CDC42BPA: variants seen among roughly 807,000 people sequenced by gnomAD.
CDC42BPA encodes the protein serine/threonine-protein kinase MRCK alpha.
A neutral mutation model predicts 223.5 loss-of-function variants in CDC42BPA; 80 were observed. The ratio of observed to expected loss-of-function variants is 0.36; its 90% CI spans 0.30 to 0.43. The LOEUF is 0.43. Among genes scored for constraint, CDC42BPA ranks in the 20% least tolerant of loss-of-function variants. The pLI is 1.00. For synonymous variants in CDC42BPA, 694 were observed against 718.6 expected, an observed-to-expected ratio of 0.97 and a Z score of 0.55; for missense variants, 1,743 against 2,099.9, an observed-to-expected ratio of 0.83 and a Z score of 3.32.
intron 17 of CDC42BPA, among the ~76,000 whole-genome samples, chr1:227,076,358 G>A (rs1245094831): frequency 6.6e-6 from 1 of 152,144 alleles, no homozygotes; most frequent in Non-Finnish European, 1.5e-5. Flanking sequence ...CTGGGTTCAA[G>A]CAATTCTCCT....
chr1:227,059,179 C>T (rs1484595825), intron 21 of CDC42BPA, among the ~76,000 whole-genome samples: 2 of 145,714 alleles, frequency 1.4e-5, no homozygotes, highest in Non-Finnish European at 3.0e-5. Context: ...TAAAGCTTTG[C>T]GGCCAAAGCC....
intron 21 of CDC42BPA, among the ~76,000 whole-genome samples, chr1:227,057,713 G>A (rs1235281337): frequency 1.3e-5 from 2 of 152,140 alleles, no homozygotes; most frequent in Non-Finnish European, 2.9e-5. Context: ...ATAATCATAT[G>A]TAATAATAAG....
chr1:227,032,264 C>T (rs951935365), intron 27 of CDC42BPA, among the ~76,000 whole-genome samples: 4 of 152,136 alleles, frequency 2.6e-5, no homozygotes, highest in African/African-American at 9.7e-5. Flanking sequence ...TAAACTCACA[C>T]TATGAAAATC....
chr1:227,013,373 TAC>T (rs1352486090), intron 34 of CDC42BPA, among the ~76,000 whole-genome samples: 2 of 151,950 alleles, frequency 1.3e-5, no homozygotes, highest in African/African-American at 2.4e-5. Flanking sequence ...AAAAATAAGA[TAC>T]AGATTTTTTC....
intron 14 of CDC42BPA, among the ~76,000 whole-genome samples, chr1:227,108,383 T>C (rs1015345687): frequency 5.3e-5 from 8 of 151,342 alleles, no homozygotes; most frequent in Admixed American, 5.3e-4. Flanking sequence ...TGTTCATTGA[T>C]TTCCACATAT....
rs35065841 is a variant in CDC42BPA, at chr1:227,105,356, CTTTTTT to C, written c.2002-4123_2002-4118del. 6.6e-3 allele frequency among the ~76,000 whole-genome samples: 603 copies of C among 91,684 alleles called. 3 individuals carry two copies. Among genetic ancestry groups the C allele is most frequent in the African/African-American group, 0.024 (570 of 23,724 alleles). 60.1% of individuals were successfully genotyped at this position (91,684 alleles called of 152,430 possible). A position where few individuals can be genotyped will look rare whatever the true frequency, so the allele number is the denominator to read the frequency against. On this transcript the variant is annotated intron_variant, in intron 14 of 36. Coordinates refer to ENST00000366766, the MANE Select transcript of CDC42BPA (RefSeq NM_001394014.1). Reference sequence around the variant, plus strand: ...TTGTATCTGTGAATTTGCCTATTCTCTTTTTTTTTTTTTTTTTTTTTTTGAGACAGG... The same window carrying C: ...TTGTATCTGTGAATTTGCCTATTCTCTTTTTTTTTTTTTTTTTGAGACAGG...
intron 1 of CDC42BPA, among the ~76,000 whole-genome samples, chr1:227,313,337 C>G (rs1474284493): frequency 1.3e-5 from 2 of 152,122 alleles, no homozygotes; most frequent in Non-Finnish European, 2.9e-5. Context: ...ATCATGAATG[C>G]CAGTAACCAG....
chr1:227,119,561 C>T (rs1373375472), intron 12 of CDC42BPA, among the ~76,000 whole-genome samples: 1 of 151,794 alleles, frequency 6.6e-6, no homozygotes, highest in Non-Finnish European at 1.5e-5. Context: ...TAATCTAGTC[C>T]TTTGACTATT....
intron 22 of CDC42BPA, among the ~76,000 whole-genome samples, chr1:227,049,418 A>T (rs906120415): frequency 6.6e-6 from 1 of 152,128 alleles, no homozygotes; most frequent in Non-Finnish European, 1.5e-5. Context: ...TTATTGAAGG[A>T]TATAAGAGAA....
intron 1 of CDC42BPA, among the ~76,000 whole-genome samples, chr1:227,281,613 G>A (rs765566149): frequency 2.5e-4 from 38 of 152,332 alleles, no homozygotes; most frequent in Non-Finnish European, 5.0e-4. Context: ...TGAGCCAGAG[G>A]TAGTGGGACC....
intron 35 of CDC42BPA, among the ~76,000 whole-genome samples, chr1:226,998,786 T>G (rs898789337): frequency 3.9e-5 from 6 of 152,122 alleles, no homozygotes; most frequent in Admixed American, 3.9e-4. Context: ...AAAGCCAAAA[T>G]TGGCAAATGG....
At chr1:227,054,689 T>C (rs576608498) in intron 21 of CDC42BPA, among the ~76,000 whole-genome samples, 11 of 152,290 alleles carry the variant, frequency 7.2e-5, no homozygotes, top group Non-Finnish European at 1.3e-4. Context: ...TCAAGTCTTA[T>C]TCTCCTAACT....
intron 5 of CDC42BPA, among the ~76,000 whole-genome samples, chr1:227,169,200 AGTT>A (rs1665677579): frequency 6.6e-6 from 1 of 152,134 alleles, no homozygotes; most frequent in African/African-American, 2.4e-5. Flanking sequence ...TACTGAGAAT[AGTT>A]GTTAACAGCC....
intron 21 of CDC42BPA, among the ~76,000 whole-genome samples, chr1:227,057,260 T>C (rs955888544): frequency 6.6e-6 from 1 of 152,174 alleles, no homozygotes; most frequent in African/African-American, 2.4e-5. Context: ...ATACTATTTA[T>C]AAAGAAAATC....
chr1:227,194,252 T>A (rs1513609), intron 4 of CDC42BPA, among the ~76,000 whole-genome samples: 1 of 152,148 alleles, frequency 6.6e-6, no homozygotes, highest in Non-Finnish European at 1.5e-5. Context: ...TCCAAGATTT[T>A]AGAAGAATGA....
chr1:227,124,379 A>AT (rs1325222770), intron 11 of CDC42BPA, among the ~76,000 whole-genome samples: 3 of 151,860 alleles, frequency 2.0e-5, no homozygotes, highest in East Asian at 1.9e-4. Flanking sequence ...GATTGAAGGT[A>AT]TTTTTTCTTT....
At chr1:227,307,373 T>C (rs1692740286) in intron 1 of CDC42BPA, among the ~76,000 whole-genome samples, 2 of 152,176 alleles carry the variant, frequency 1.3e-5, no homozygotes, top group African/African-American at 4.8e-5. Context: ...AAGACTTTAT[T>C]AACCACTTTC....
At chr1:227,292,265 G>A (rs1689829611) in intron 1 of CDC42BPA, among the ~76,000 whole-genome samples, 1 of 152,100 alleles carries the variant, frequency 6.6e-6, no homozygotes, top group Non-Finnish European at 1.5e-5. Context: ...ACAGGCGTGA[G>A]CCACCAAGCC....
intron 14 of CDC42BPA, among the ~76,000 whole-genome samples, chr1:227,111,189 C>A (rs918933474): frequency 1.1e-4 from 16 of 152,236 alleles, no homozygotes; most frequent in Admixed American, 2.6e-4. Context: ...AGACACTAGA[C>A]TAAGCATGGT....
Sources: allele counts gnomAD v4.1 joint callset (sites outside exome capture counted in the v4.1 genomes callset), GRCh38; gene constraint gnomAD v4.1.1; transcripts MANE v1.5; gene names NCBI Gene and HGNC (gene_info 2026-07-23, HGNC 2026-07-21).